NHSL2: variants seen among roughly 807,000 people sequenced by gnomAD.
NHSL2 encodes the protein NHS like 2, also known as NHS-like protein 2.
In NHSL2, 27 loss-of-function variants were observed where a neutral mutation model predicts 53.4. The observed-to-expected ratio is 0.51, with a 90% confidence interval of 0.37 to 0.70. The LOEUF is 0.70. Among genes scored for constraint, NHSL2 ranks in the 30% least tolerant of loss-of-function variants. NHSL2 has a pLI of 0.00. For missense variants in NHSL2, 892 were observed against 980.1 expected (o/e 0.91, Z 1.20); for synonymous variants, 408 against 404.1 (o/e 1.01, Z -0.12).
intron 1 of NHSL2, among the ~76,000 whole-genome samples, chrX:71,951,394 G>A (rs1387085112): frequency 1.8e-5 from 2 of 112,037 alleles, no homozygotes; most frequent in Non-Finnish European, 3.8e-5. Flanking sequence ...AGGTAGAATT[G>A]CTGGATTATA....
chrX:71,920,635 G>A lies in NHSL2; in HGVS notation c.280+9268G>A, dbSNP rs747676304. Among the ~76,000 whole-genome samples, 38 of 111,384 alleles carry A rather than the reference G, an allele frequency of 3.4e-4. 1 individual carries two copies. The highest frequency in any genetic ancestry group is 6.8e-4 in the Non-Finnish European group (36 of 53,091). ...TGTTATAGATGTTAAAGCTGGGAGAGACCCAGTTTCCTGACTTATTTGAAC... is the reference window on the plus strand; with the variant it reads ...TGTTATAGATGTTAAAGCTGGGAGAAACCCAGTTTCCTGACTTATTTGAAC... On this transcript the variant is annotated intron_variant, in intron 1 of 7. Coordinates refer to ENST00000633930, the MANE Select transcript of NHSL2 (RefSeq NM_001013627.3).
chrX:72,066,167 C>T (rs1275904679), intron 1 of NHSL2, among the ~76,000 whole-genome samples: 6 of 111,127 alleles, frequency 5.4e-5, no homozygotes, highest in African/African-American at 1.6e-4. Context: ...GTGACTGGGA[C>T]CAGGGTGAGG....
intron 1 of NHSL2, among the ~76,000 whole-genome samples, chrX:72,020,609 G>A (rs2042155531): frequency 8.9e-6 from 1 of 112,307 alleles, no homozygotes; most frequent in South Asian, 3.7e-4. Flanking sequence ...TTTCTAGGGA[G>A]GGGGGAAGGG....
chrX:72,024,594 C>G (rs990418665), intron 1 of NHSL2, among the ~76,000 whole-genome samples: 3 of 111,983 alleles, frequency 2.7e-5, no homozygotes, highest in African/African-American at 9.8e-5. Flanking sequence ...AGTGGGTGGT[C>G]TAGATCACAT....
rs2042459701 is a variant in NHSL2, at chrX:72,145,816, C to T, written c.*2242C>T. On this transcript the variant is annotated 3_prime_UTR_variant, in exon 8 of 8. Transcript: ENST00000633930. ...ACTACTTCTAATGGGTTTTGCCTCT[C>T]CCCTCACCTTGCTACCTCTGGAGGT... 1 of 112,271 alleles carries T rather than the reference C, an allele frequency of 8.9e-6. No homozygotes were observed. The highest frequency in any genetic ancestry group is 9.4e-5 in the Admixed American group (1 of 10,643). The allele number at this position is 112,271 out of a possible 1,213,427, so 9.3% of individuals were successfully genotyped here. A position where few individuals can be genotyped will look rare whatever the true frequency, so the allele number is the denominator to read the frequency against.
At chrX:71,929,944 G>A (rs960752960) in intron 1 of NHSL2, among the ~76,000 whole-genome samples, 3 of 110,162 alleles carry the variant, frequency 2.7e-5, no homozygotes, top group East Asian at 2.8e-4. Context: ...TTGTAGAGGC[G>A]GGGTTTTGTC....
intron 1 of NHSL2, among the ~76,000 whole-genome samples, chrX:71,972,652 T>C (rs1282286643): frequency 8.9e-6 from 1 of 112,109 alleles, no homozygotes; most frequent in Non-Finnish European, 1.9e-5. Context: ...GATGTGCATA[T>C]TAATGTTTTT....
intron 1 of NHSL2, among the ~76,000 whole-genome samples, chrX:72,097,321 A>G (rs2041951345): frequency 9.0e-6 from 1 of 111,709 alleles, no homozygotes; most frequent in Non-Finnish European, 1.9e-5. Context: ...GGAATTTCAC[A>G]TATATCATTT....
chrX:72,126,501 C>G (rs2042226867), intron 1 of NHSL2, among the ~76,000 whole-genome samples: 1 of 110,847 alleles, frequency 9.0e-6, no homozygotes, highest in African/African-American at 3.3e-5. Context: ...AATAAGATAA[C>G]AGATGTGAAG....
intron 1 of NHSL2, among the ~76,000 whole-genome samples, chrX:71,942,950 C>CTG (rs2041773607): frequency 1.1e-4 from 2 of 19,044 alleles, no homozygotes; most frequent in Non-Finnish European, 2.9e-4. Flanking sequence ...CTCTAATGCT[C>CTG]TCTCTCTCTC....
At chrX:71,990,366 T>C (rs984829201) in intron 1 of NHSL2, among the ~76,000 whole-genome samples, 1 of 111,098 alleles carries the variant, frequency 9.0e-6, no homozygotes, top group Non-Finnish European at 1.9e-5. Flanking sequence ...AGAAAAACAT[T>C]TGGACGTTCC....
At chrX:71,964,025 G>A (rs1234823703) in intron 1 of NHSL2, among the ~76,000 whole-genome samples, 2,239 of 6,141 alleles carry the variant, frequency 0.36, 271 homozygotes, top group East Asian at 0.66. Context: ...ATATATATAT[G>A]TGTATATATA....
chrX:72,011,454 G>A (rs897307657), intron 1 of NHSL2, among the ~76,000 whole-genome samples: 1 of 112,120 alleles, frequency 8.9e-6, no homozygotes, highest in Non-Finnish European at 1.9e-5. Flanking sequence ...GGCGGATCAC[G>A]AGGTCAGGAG....
intron 1 of NHSL2, among the ~76,000 whole-genome samples, chrX:71,999,194 G>A (rs1388450705): frequency 8.9e-6 from 1 of 111,910 alleles, no homozygotes; most frequent in East Asian, 2.8e-4. Context: ...ACCCTCTATC[G>A]TATCCATCGC....
In NHSL2 at chrX:72,151,605, C is replaced by T. The variant is rs1013134255; in HGVS notation, c.*8031C>T. ...ATTACTGACTACCTCAGTGTAGAAA[C>T]CCTCATTTTTTTCCCCAGACCTATC... On this transcript the variant is annotated 3_prime_UTR_variant, in exon 8 of 8. Coordinates refer to ENST00000633930, the MANE Select transcript of NHSL2 (RefSeq NM_001013627.3). 2 of 111,766 alleles carry T rather than the reference C, an allele frequency of 1.8e-5. No homozygotes were observed. The highest frequency in any genetic ancestry group is 6.5e-5 in the African/African-American group (2 of 30,706). The allele number at this position is 111,766 out of a possible 1,213,427, so 9.2% of individuals were successfully genotyped here.
In NHSL2 at chrX:71,927,192, C is replaced by T. The variant is rs185529969; in HGVS notation, c.280+15825C>T. 2.8e-3 allele frequency among the ~76,000 whole-genome samples: 314 copies of T among 112,477 alleles called. 2 individuals are homozygous for T. Among genetic ancestry groups the T allele is most frequent in the African/African-American group, 9.7e-3 (299 of 30,974 alleles). On this transcript the variant is annotated intron_variant, in intron 1 of 7. Coordinates refer to ENST00000633930, the MANE Select transcript of NHSL2 (RefSeq NM_001013627.3). ...AGGAGCAGATGGAATCTTCTTCCTT[C>T]GTCTCATTCACCATCTTGCTGACCA...
At chrX:72,086,683 C>CAAAAAAAAAAAA (rs34481140) in intron 1 of NHSL2, among the ~76,000 whole-genome samples, 1 of 22,486 alleles carries the variant, frequency 4.4e-5, no homozygotes, top group Non-Finnish European at 7.8e-5. Context: ...AACTCCATCT[C>CAAAAAAAAAAAA]AAAAAAAAAA....
At chrX:72,115,651 G>T (rs751149760) in intron 1 of NHSL2, among the ~76,000 whole-genome samples, 56 of 110,858 alleles carry the variant, frequency 5.1e-4, no homozygotes, top group African/African-American at 1.8e-3. Context: ...TCTGGGGCTG[G>T]CACGGATAAG....
At chrX:72,113,796 C>G (rs961554664) in intron 1 of NHSL2, among the ~76,000 whole-genome samples, 1 of 112,355 alleles carries the variant, frequency 8.9e-6, no homozygotes, top group Non-Finnish European at 1.9e-5. Flanking sequence ...TGGAAAGAGG[C>G]TCAGAGCCAG....
Sources: allele counts gnomAD v4.1 joint callset (sites outside exome capture counted in the v4.1 genomes callset), GRCh38; gene constraint gnomAD v4.1.1; transcripts MANE v1.5; gene names NCBI Gene and HGNC (gene_info 2026-07-23, HGNC 2026-07-21).